The following CMSS1 variants were observed in gnomAD, a reference collection of about 807,000 sequenced individuals.
The protein encoded by CMSS1 is cms1 ribosomal small subunit homolog.
A neutral mutation model predicts 43.5 loss-of-function variants in CMSS1; 33 were observed. The ratio of observed to expected loss-of-function variants is 0.76; its 90% CI spans 0.57 to 1.01. The LOEUF is 1.01. Ranked by LOEUF, CMSS1 falls within the 50% of genes least tolerant of loss-of-function variation. CMSS1 has a pLI of 0.00. For synonymous variants in CMSS1, 115 were observed against 117.2 expected, an observed-to-expected ratio of 0.98 and a Z score of 0.12; for missense variants, 313 against 326.4, an observed-to-expected ratio of 0.96 and a Z score of 0.32.
intron 1 of CMSS1, among the ~76,000 whole-genome samples, chr3:99,933,262 A>G: frequency 6.6e-6 from 1 of 152,206 alleles, no homozygotes; most frequent in Non-Finnish European, 1.5e-5. Flanking sequence ...GCCTTACTGA[A>G]GAGACTATTT....
chr3:99,854,106 T>A (rs1559660739), intron 1 of CMSS1, among the ~76,000 whole-genome samples: 2 of 152,208 alleles, frequency 1.3e-5, no homozygotes, highest in Non-Finnish European at 2.9e-5. Flanking sequence ...ATTTCTTGCC[T>A]TGTATCCAGG....
intron 1 of CMSS1, among the ~76,000 whole-genome samples, chr3:100,008,492 C>A (rs548755149): frequency 6.6e-6 from 1 of 152,222 alleles, no homozygotes; most frequent in South Asian, 2.1e-4. Flanking sequence ...TCCAGGACTT[C>A]TAGAGATTAG....
chr3:100,137,242 T>C (rs1369585150), intron 1 of CMSS1, among the ~76,000 whole-genome samples: 1 of 152,348 alleles, frequency 6.6e-6, no homozygotes, highest in East Asian at 1.9e-4. Context: ...CAGCATTACT[T>C]TTCAGTGTGT....
chr3:100,102,922 T>C (rs2066333759), intron 1 of CMSS1, among the ~76,000 whole-genome samples: 1 of 152,224 alleles, frequency 6.6e-6, no homozygotes, highest in South Asian at 2.1e-4. Context: ...CACTAAGTTC[T>C]GCCAGAGCAT....
At chr3:99,864,079 G>C (rs567299633) in intron 1 of CMSS1, among the ~76,000 whole-genome samples, 1 of 152,290 alleles carries the variant, frequency 6.6e-6, no homozygotes, top group Admixed American at 6.5e-5. Flanking sequence ...TTAATATGTA[G>C]GAGGTATGGA....
chr3:100,100,775 G>A (rs148264039), intron 1 of CMSS1, among the ~76,000 whole-genome samples: 29 of 152,122 alleles, frequency 1.9e-4, no homozygotes, highest in Admixed American at 1.2e-3. Context: ...GTGAGACCTC[G>A]CAAGGTTAGT....
rs527559105 is a variant in CMSS1 at position 99,833,260 on chromosome 3, A to T, written c.64+15217A>T. ...TCAATGAGGCAGAAGAAGTGGTTCC[A>T]CCTAGGGAGCAGTAGAAAGAAGAGG... On this transcript the variant is annotated intron_variant, in intron 1 of 9. Transcript: ENST00000421999. The T allele has an allele frequency of 2.5e-6, 4 of 1,611,256 alleles. No homozygotes were observed. In the African/African-American group the frequency reaches 5.3e-5, roughly 22 times the overall value.
intron 1 of CMSS1, chr3:99,931,155 G>T (rs1181765934): frequency 5.4e-6 from 4 of 738,952 alleles, no homozygotes; most frequent in Admixed American, 2.6e-5. Context: ...CAATCTTTTT[G>T]ATGTCTACAG....
At chr3:99,943,047 G>A (rs1220259952) in intron 1 of CMSS1, among the ~76,000 whole-genome samples, 1 of 152,144 alleles carries the variant, frequency 6.6e-6, no homozygotes, top group Non-Finnish European at 1.5e-5. Flanking sequence ...CCACTGCTTA[G>A]AACAACTTTG....
At chr3:100,058,028 C>G (rs1391079191) in intron 1 of CMSS1, among the ~76,000 whole-genome samples, 3 of 152,228 alleles carry the variant, frequency 2.0e-5, no homozygotes, top group Non-Finnish European at 4.4e-5. Flanking sequence ...TGTCCATTCT[C>G]CCACTCATGC....
intron 5 of CMSS1, among the ~76,000 whole-genome samples, 164 bp downstream of exon 5, chr3:100,166,558 G>A (rs1459158449): frequency 6.6e-6 from 1 of 152,120 alleles, no homozygotes; most frequent in Non-Finnish European, 1.5e-5. Context: ...CCAATTTGCT[G>A]TTTGACCTGA....
chr3:99,852,959 A>T (rs1019827765), intron 1 of CMSS1, among the ~76,000 whole-genome samples: 3 of 152,176 alleles, frequency 2.0e-5, no homozygotes, highest in African/African-American at 7.2e-5. Flanking sequence ...GGCTGGCCCA[A>T]GGGCTGTGGC....
chr3:99,920,533 G>T (rs185883385), intron 1 of CMSS1, among the ~76,000 whole-genome samples: 35 of 152,314 alleles, frequency 2.3e-4, no homozygotes, highest in Admixed American at 2.0e-3. Flanking sequence ...GTTGGAGCTG[G>T]TCAGTGAACG....
chr3:100,172,081 G>A (rs1576121547), intron 7 of CMSS1, 182 bp downstream of exon 7: 3 of 636,056 alleles, frequency 4.7e-6, no homozygotes, highest in Non-Finnish European at 8.3e-6. Flanking sequence ...CAGTATGGCA[G>A]TCGCTACTGC....
intron 1 of CMSS1, among the ~76,000 whole-genome samples, chr3:99,948,709 AGGAAGGGAAAGGGAAGT>A (rs1708087766): frequency 6.7e-6 from 1 of 149,876 alleles, no homozygotes; most frequent in African/African-American, 2.5e-5. Context: ...AGAAAGGGAG[AGGAAGGGAAAGGGAAGT>A]GGAAGGGAAG....
chr3:99,909,793 A>G (rs1245340432), intron 1 of CMSS1, among the ~76,000 whole-genome samples: 1 of 152,176 alleles, frequency 6.6e-6, no homozygotes, highest in Admixed American at 6.5e-5. Context: ...TTTTTATTCC[A>G]TTTCCATTCA....
chr3:99,929,147 G>T (rs2107660540), intron 1 of CMSS1, among the ~76,000 whole-genome samples: 1 of 152,250 alleles, frequency 6.6e-6, no homozygotes, highest in South Asian at 2.1e-4. Flanking sequence ...GGTCTCAGAG[G>T]AAAATTAAAG....
At chr3:99,977,319 A>C in intron 1 of CMSS1, among the ~76,000 whole-genome samples, 1 of 152,116 alleles carries the variant, frequency 6.6e-6, no homozygotes, top group African/African-American at 2.4e-5. Flanking sequence ...ACAGCTTTCC[A>C]TCTTAGAAAG....
At chr3:100,129,490 A>C (rs1431009578) in intron 1 of CMSS1, among the ~76,000 whole-genome samples, 1 of 152,224 alleles carries the variant, frequency 6.6e-6, no homozygotes, top group Non-Finnish European at 1.5e-5. Context: ...ACTTAAGAGG[A>C]TATGTTAAGT....
Sources: gnomAD v4.1 joint callset for allele counts (sites outside exome capture counted in the v4.1 genomes callset) on GRCh38, gnomAD v4.1.1 for gene constraint, MANE v1.5 for transcripts, NCBI Gene and HGNC (gene_info 2026-07-23, HGNC 2026-07-21) for gene names.